COMP: variants seen among roughly 807,000 people sequenced by gnomAD.
The protein encoded by COMP is cartilage oligomeric matrix protein (pseudoachondroplasia, epiphyseal dysplasia 1, multiple).
A neutral mutation model predicts 95.8 loss-of-function variants in COMP; 79 were observed. The ratio of observed to expected loss-of-function variants is 0.82; its 90% CI spans 0.69 to 0.99. COMP has a LOEUF of 0.99. Among genes scored for constraint, COMP ranks in the 50% least tolerant of loss-of-function variants. The pLI, the probability that COMP is intolerant of heterozygous loss-of-function variation, is 0.00. For synonymous variants in COMP, 438 were observed against 433.9 expected, an observed-to-expected ratio of 1.01 and a Z score of -0.12; for missense variants, 906 against 1,076.1, an observed-to-expected ratio of 0.84 and a Z score of 2.21.
At position 18,788,477 on chromosome 19, in the gene COMP, C is replaced by A; in HGVS notation, c.800G>T (p.Gly267Val). The change falls in exon 8 of 19, where the codon GGT becomes GTT. Residue 267 changes from glycine (G) to valine (V), a missense_variant. Transcript: ENST00000222271. The surrounding 1 kb of genome is among the most constrained non-coding windows in gnomAD (Gnocchi z 4.7). ...VGWAGNGILC[G>V]RDTDLDGFPD... ...GAAGCCGTCTAGGTCAGTGTCGCGA[C>A]CACAGAGGATCCCGTTGCCGGCCCA... 1.9e-6 allele frequency: 3 copies of A among 1,610,678 alleles called. No homozygotes were observed. Among genetic ancestry groups the A allele is most frequent in the Non-Finnish European group, 2.5e-6 (3 of 1,179,128 alleles).
In COMP at chr19:18,785,435, CTTCTCTG is replaced by C; in HGVS notation, c.1717+56_1717+62del. The stretch of plus-strand genomic sequence containing the variant: ...GCCCATTCTCAGCCCGGGCCTGCCC[CTTCTCTG>C]GCCCCTCTCCCTGAGCCCGCTCCGT... On this transcript the variant is annotated intron_variant, in intron 15 of 18. Coordinates refer to ENST00000222271, the MANE Select transcript of COMP (RefSeq NM_000095.3). 2.5e-6 allele frequency: 4 copies of C among 1,604,284 alleles called. No individual in the cohort carries two copies. The South Asian group carries it at 3.3e-5, about 13-fold the overall frequency.
At chr19:18,785,180 G>T in intron 15 of COMP, 88 bp from the exon 16 acceptor site, 1 of 1,295,850 alleles carries the variant, frequency 7.7e-7, no homozygotes, top group Non-Finnish European at 1.1e-6. Context: ...TGCCCCCTGG[G>T]TCCCGATCTG....
At position 18,788,213 on chromosome 19, in the gene COMP, T is replaced by A. The variant is rs1380005612; in HGVS notation, c.974A>T (p.Lys325Met). 6.2e-7 allele frequency: 1 copy of A among 1,612,720 alleles called. No individual in the cohort carries two copies. The highest frequency in any genetic ancestry group is 8.5e-7 in the Non-Finnish European group (1 of 1,179,644). Residue 325 changes from lysine to methionine, a missense_variant and splice_region_variant, in exon 9 of 19, where the codon AAG (lysine) becomes ATG (methionine). Coordinates refer to ENST00000222271, the MANE Select transcript of COMP (RefSeq NM_000095.3). This position sits in a 1 kb window ranked among gnomAD's most constrained non-coding sequence, Gnocchi z 4.7. Reference sequence around the variant, plus strand: ...CACCGTGCCGAGCCGTAGATCTACCTTTTCATTGGGGACCCCGTCCCCGTC... The same window carrying A: ...CACCGTGCCGAGCCGTAGATCTACCATTTCATTGGGGACCCCGTCCCCGTC... Reference protein sequence around the residue: ...DADGDGVPNEKDNCPLVRNPD... With the variant: ...DADGDGVPNEMDNCPLVRNPD...
At chr19:18,785,232 A>G in intron 15 of COMP, 140 bp from the exon 16 acceptor site, 1 of 953,958 alleles carries the variant, frequency 1.0e-6, no homozygotes, top group Non-Finnish European at 1.6e-6. Context: ...GCCCGGACTC[A>G]GCCACGCCCC....
rs1244290592 is a variant in COMP at position 18,785,801 on chromosome 19, C to A, written c.1540G>T (p.Val514Leu). The stretch of plus-strand genomic sequence containing the variant: ...TCCGGACACACGTCGATCTTGTCTA[C>A]CACCTTGTCTGCATCAAAGTCGTCC... ...CQDDFDADKVVDKIDVCPENA... is the reference protein window; with the variant it reads ...CQDDFDADKVLDKIDVCPENA... The change falls in exon 14 of 19, where the codon GTA becomes TTA. Residue 514 changes from valine to leucine, a missense_variant. Val to Leu is a conservative substitution (Grantham distance 32). Transcript: ENST00000222271. 4 of 1,613,164 alleles carry A rather than the reference C, an allele frequency of 2.5e-6. No homozygotes were observed. In the Admixed American group the frequency reaches 5.0e-5, roughly 20 times the overall value.
Position 18,790,059 on chromosome 19 carries a change from G to T in COMP, c.273C>A (p.Cys91Ter). Residue 91 changes from cysteine (C) to a stop codon, truncating the protein, a stop_gained, in exon 4 of 19, where the codon TGC (cysteine) becomes TGA (stop). Transcript: ENST00000222271. LOFTEE classifies it high-confidence loss of function. ...CGCCGGGGAAGCAGAAGCCGGGCGC[G>T]CAGTGGAGCAGGGGCCGCACGCTGG... is the stretch of plus-strand genomic sequence containing the variant. ...GLPSVRPLLH[C>*]APGFCFPGVA... 4 of 1,554,040 alleles carry T rather than the reference G, an allele frequency of 2.6e-6. No homozygotes were observed. The South Asian group carries it at 3.5e-5, about 14-fold the overall frequency.
rs2055189417 is a variant in COMP at position 18,788,802 on chromosome 19, C to T, written c.603+37G>A. 1.9e-6 allele frequency: 3 copies of T among 1,611,266 alleles called. No individual in the cohort carries two copies. Among genetic ancestry groups the T allele is most frequent in the Non-Finnish European group, 1.7e-6 (2 of 1,179,128 alleles). On this transcript the variant is annotated intron_variant, in intron 6 of 18. Coordinates refer to ENST00000222271, the MANE Select transcript of COMP (RefSeq NM_000095.3). The surrounding 1 kb of genome is among the most constrained non-coding windows in gnomAD (Gnocchi z 4.7). ...GCAGGCCGCCCGCCGCTCGCCCCAC[C>T]TCCCGCGATCCTTTCTTCCTCCCCA...
Position 18,791,241 on chromosome 19 carries a change from A to C in COMP, c.29T>G (p.Leu10Arg). MVPDTACVL[L>R]LTLAALGASG... ...CGCGCCGAGGGCAGCCAGGGTGAGC[A>C]GAAGAACGCAGGCGGTGTCGGGGAC... is the stretch of plus-strand genomic sequence containing the variant. Residue 10 changes from leucine (L) to arginine (R), a missense_variant, in exon 1 of 19, where the codon CTG becomes CGG. Coordinates refer to ENST00000222271, the MANE Select transcript of COMP (RefSeq NM_000095.3). 6.3e-7 allele frequency: 1 copy of C among 1,598,660 alleles called. No individual in the cohort carries two copies. The highest frequency in any genetic ancestry group is 8.5e-7 in the Non-Finnish European group (1 of 1,174,284).
intron 10 of COMP, chr19:18,786,921 C>T (rs1052527976): frequency 2.3e-5 from 9 of 393,784 alleles, no homozygotes; most frequent in Middle Eastern, 1.6e-3. Context: ...TACAGGTGTG[C>T]GCCACCACGC....
rs772268073 is a variant in COMP at position 18,785,987 on chromosome 19, G to A, written c.1467C>T (p.Asn489=). The A allele has an allele frequency of 1.2e-6, 2 of 1,612,550 alleles. No homozygotes were observed. The highest frequency in any genetic ancestry group is 2.7e-5 in the African/African-American group (2 of 74,836). ...DSRDNCRLVP[N]PGQEDADRDG... ...TACTGTCCGCGTCCTCCTGGCCGGG[G>A]TTAGGCACCAGGCGGCAGTTGTCCC... The change falls in exon 13 of 19, where the codon AAC becomes AAT. Residue 489 remains asparagine (N), a synonymous_variant. Coordinates refer to ENST00000222271, the MANE Select transcript of COMP (RefSeq NM_000095.3).
At chr19:18,786,178 G>T (rs1460236042) in intron 12 of COMP, 32 bp from the exon 13 acceptor site, 6 of 1,613,976 alleles carry the variant, frequency 3.7e-6, no homozygotes, top group Non-Finnish European at 5.1e-6. Flanking sequence ...CAGAGACAAT[G>T]AGCTCTCCAG....
Position 18,785,966 on chromosome 19 carries a change from G to C in COMP, c.1488C>G (p.Asp496Glu). 8.7e-6 allele frequency: 14 copies of C among 1,606,838 alleles called. No individual in the cohort carries two copies. The highest frequency in any genetic ancestry group is 1.2e-5 in the Non-Finnish European group (14 of 1,178,174). Residue 496 changes from aspartate to glutamate, a missense_variant and splice_region_variant, in exon 13 of 19, where the codon GAC becomes GAG. By Grantham distance (45) the Asp-to-Glu change is conservative. Transcript: ENST00000222271. ...CCGCAGGCCCCGCCCCCGCCGTACT[G>C]TCCGCGTCCTCCTGGCCGGGGTTAG... is the stretch of plus-strand genomic sequence containing the variant. Reference protein sequence around the residue: ...LVPNPGQEDADRDGVGDVCQD... With the variant: ...LVPNPGQEDAERDGVGDVCQD...
chr19:18,789,063 C>T lies in COMP; in HGVS notation c.528+97G>A. On this transcript the variant is annotated intron_variant, in intron 5 of 18. Transcript: ENST00000222271. The surrounding 1 kb of genome is among the most constrained non-coding windows in gnomAD (Gnocchi z 6.1). ...CAGCGGACCCCTCCTCTCCCCACCC[C>T]TCCCGCTGGAAGGAGGCTGGAAGAG... is the stretch of plus-strand genomic sequence containing the variant. The T allele has an allele frequency of 1.9e-6, 3 of 1,550,194 alleles. No individual in the cohort carries two copies. Among genetic ancestry groups the T allele is most frequent in the Non-Finnish European group, 2.6e-6 (3 of 1,144,666 alleles).
chr19:18,784,811 G>A lies in COMP; in HGVS notation c.1914+85C>T, dbSNP rs2055153000. On this transcript the variant is annotated intron_variant, in intron 16 of 18. Coordinates refer to ENST00000222271, the MANE Select transcript of COMP (RefSeq NM_000095.3). The surrounding 1 kb of genome is among the most constrained non-coding windows in gnomAD (Gnocchi z 4.9). ...CATAGTATGAGGCTAGGGGGCTGGG[G>A]GGCTCTAAGGGCTGTAAAGGGTTTT... The A allele has an allele frequency of 2.7e-6, 4 of 1,469,810 alleles. No individual in the cohort carries two copies. The highest frequency in any genetic ancestry group is 9.4e-7 in the Non-Finnish European group (1 of 1,061,386). 91.0% of individuals were successfully genotyped at this position (1,469,810 alleles called of 1,614,324 possible).
rs1415336766 is a variant in COMP at position 18,788,188 on chromosome 19, C to G, written c.975+24G>C. 6.3e-7 allele frequency: 1 copy of G among 1,595,898 alleles called. No homozygotes were observed. The highest frequency in any genetic ancestry group is 2.2e-5 in the East Asian group (1 of 44,764). On this transcript the variant is annotated intron_variant, in intron 9 of 18. Transcript: ENST00000222271. This position sits in a 1 kb window ranked among gnomAD's most constrained non-coding sequence, Gnocchi z 4.7. ...AAGTGCTGGGATTACAGGAGTGAACCACCGTGCCGAGCCGTAGATCTACCT... is the reference window on the plus strand; with the variant it reads ...AAGTGCTGGGATTACAGGAGTGAACGACCGTGCCGAGCCGTAGATCTACCT...
Position 18,786,586 on chromosome 19 carries a change from G to C in COMP, c.1200C>G (p.Gly400=), listed in dbSNP as rs201063220. 1.4e-5 allele frequency: 23 copies of C among 1,613,982 alleles called. No individual in the cohort carries two copies. The highest frequency in any genetic ancestry group is 1.9e-5 in the Non-Finnish European group (22 of 1,179,996). Residue 400 remains glycine (G), a synonymous_variant, in exon 11 of 19, where the codon GGC becomes GGG. Transcript: ENST00000222271. ...VPNSDQKDSD[G]DGIGDACDNC... ...TGTCACAGGCATCCCCTATACCATCGCCATCACTGTCCTTCTGGTCTGAGT... is the reference window on the plus strand; with the variant it reads ...TGTCACAGGCATCCCCTATACCATCCCCATCACTGTCCTTCTGGTCTGAGT...
In COMP at chr19:18,783,260, G is replaced by A. The variant is rs745571049; in HGVS notation, c.2088-67C>T. ...ACCCTTCCCTCTCAGAGCTTCAGTG[G>A]CCAGCCCTGGAAGATGGGTACCCCT... On this transcript the variant is annotated intron_variant, in intron 17 of 18. Transcript: ENST00000222271. 7 of 1,579,528 alleles carry A rather than the reference G, an allele frequency of 4.4e-6. No individual in the cohort carries two copies. In the Admixed American group the frequency reaches 1.0e-4, roughly 23 times the overall value.
rs748432425 is a variant in COMP at position 18,789,234 on chromosome 19, C to A, written c.454G>T (p.Glu152Ter). The A allele has an allele frequency of 6.5e-7, 1 of 1,529,868 alleles. No individual in the cohort carries two copies. The highest frequency in any genetic ancestry group is 1.3e-5 in the South Asian group (1 of 75,384). The allele number at this position is 1,529,868 out of a possible 1,614,324, so 94.8% of individuals were successfully genotyped here. A position where few individuals can be genotyped will look rare whatever the true frequency, so the allele number is the denominator to read the frequency against. Residue 152 changes from glutamate (E) to a stop codon, truncating the protein, a stop_gained, in exon 5 of 19, where the codon GAG becomes TAG. Coordinates refer to ENST00000222271, the MANE Select transcript of COMP (RefSeq NM_000095.3). LOFTEE classifies it high-confidence loss of function. This position sits in a 1 kb window ranked among gnomAD's most constrained non-coding sequence, Gnocchi z 6.1. Reference protein sequence around the residue: ...CINTSPGFRCEACPPGYSGPT... With the variant: ...CINTSPGFRC ...CCGCTGTACCCCGGCGGGCAAGCCT[C>A]GCAGCGGAACCCCGGGCTGGTGTTG...
At position 18,790,809 on chromosome 19, in the gene COMP, C is replaced by G. The variant is rs35359254; in HGVS notation, c.165+41G>C. ...CCTCGCTGGGAACTGAGACCCCCTT[C>G]CGTTCCCTGGCACTCCCTGCCCCGC... is the stretch of plus-strand genomic sequence containing the variant. On this transcript the variant is annotated intron_variant, in intron 2 of 18. Transcript: ENST00000222271. 156,923 of 1,558,104 alleles carry G rather than the reference C, an allele frequency of 0.1. 9,944 individuals carry two copies. Among genetic ancestry groups the G allele is most frequent in the African/African-American group, 0.3 (21,850 of 73,598 alleles).
Sources: gnomAD v4.1 joint callset for allele counts on GRCh38, gnomAD v4.1.1 for gene constraint, Gnocchi (gnomAD v3.1) non-coding constraint, MANE v1.5 for transcripts, NCBI Gene and HGNC (gene_info 2026-07-23, HGNC 2026-07-21) for gene names.